Variants in ADGRB3 observed in about 807,000 individuals in gnomAD.
The protein encoded by ADGRB3 is brain-specific angiogenesis inhibitor 3.
A neutral mutation model predicts 193.4 loss-of-function variants in ADGRB3; 37 were observed. The ratio of observed to expected loss-of-function variants is 0.19; its 90% confidence interval spans 0.15 to 0.25. The LOEUF (loss-of-function observed/expected upper bound fraction) is 0.25. Ranked by LOEUF, ADGRB3 falls within the 10% of genes least tolerant of loss-of-function variation. ADGRB3 has a pLI of 1.00. For synonymous variants in ADGRB3, 690 were observed against 644.2 expected (o/e 1.07, Z -1.08); for missense variants, 1,637 against 1,852.9 (o/e 0.88, Z 2.14).
intron 12 of ADGRB3, among the ~76,000 whole-genome samples, chr6:69,017,180 AGATACTGCCT>A (rs1770117002): frequency 1.3e-5 from 2 of 152,090 alleles, no homozygotes; most frequent in South Asian, 4.1e-4. Flanking sequence ...AATATACTGT[AGATACTGCCT>A]GATTTTTAGA....
chr6:68,914,283 C>G (rs1419107450), intron 3 of ADGRB3, among the ~76,000 whole-genome samples: 1 of 151,710 alleles, frequency 6.6e-6, no homozygotes, highest in African/African-American at 2.4e-5. Flanking sequence ...ATGTTAAGGG[C>G]AGCCAGAGAG....
At chr6:69,047,802 C>A (rs1478554949) in intron 13 of ADGRB3, among the ~76,000 whole-genome samples, 1 of 152,064 alleles carries the variant, frequency 6.6e-6, no homozygotes, top group Non-Finnish European at 1.5e-5. Flanking sequence ...GGTTTAAATG[C>A]AAATTTCAAT....
At chr6:68,794,639 C>A (rs1767172142) in intron 3 of ADGRB3, among the ~76,000 whole-genome samples, 1 of 152,122 alleles carries the variant, frequency 6.6e-6, no homozygotes, top group South Asian at 2.1e-4. Flanking sequence ...ACAATTACCA[C>A]CTTTACAATC....
chr6:69,129,863 C>T (rs1405250022), intron 17 of ADGRB3, among the ~76,000 whole-genome samples: 1 of 152,076 alleles, frequency 6.6e-6, no homozygotes, highest in East Asian at 1.9e-4. Context: ...TAGTATCAGT[C>T]CTCTCCTGGA....
intron 3 of ADGRB3, among the ~76,000 whole-genome samples, chr6:68,731,016 A>G (rs1765764489): frequency 6.6e-6 from 1 of 151,642 alleles, no homozygotes; most frequent in Admixed American, 6.6e-5. Flanking sequence ...GGAGAAAACA[A>G]AAAGAAATAA....
At chr6:68,933,903 A>G (rs1215887952) in intron 4 of ADGRB3, among the ~76,000 whole-genome samples, 1 of 152,146 alleles carries the variant, frequency 6.6e-6, no homozygotes, top group East Asian at 1.9e-4. Flanking sequence ...GCTAGACTAA[A>G]GAGCTTTTAG....
intron 3 of ADGRB3, among the ~76,000 whole-genome samples, chr6:68,846,637 G>T (rs1032467603): frequency 3.3e-5 from 5 of 152,252 alleles, no homozygotes; most frequent in Admixed American, 6.5e-5. Flanking sequence ...ATGTGCTGTT[G>T]AGCCTGCAGG....
chr6:68,712,221 T>C (rs1765418900), intron 3 of ADGRB3, among the ~76,000 whole-genome samples: 1 of 151,948 alleles, frequency 6.6e-6, no homozygotes, highest in African/African-American at 2.4e-5. Context: ...TTATCTGAGT[T>C]CAGCAGAGAT....
intron 20 of ADGRB3, among the ~76,000 whole-genome samples, chr6:69,312,991 C>T (rs1380544642): frequency 6.6e-6 from 1 of 151,820 alleles, no homozygotes; most frequent in Non-Finnish European, 1.5e-5. Flanking sequence ...TTATAGTAAT[C>T]CTACATTGTA....
chr6:69,112,715 T>G (rs1477500251), intron 17 of ADGRB3, among the ~76,000 whole-genome samples: 2 of 152,136 alleles, frequency 1.3e-5, no homozygotes, highest in Non-Finnish European at 2.9e-5. Context: ...GTATGACTAT[T>G]TACATAATCT....
chr6:68,719,219 TG>T (rs1765534292), intron 3 of ADGRB3, among the ~76,000 whole-genome samples: 3 of 151,750 alleles, frequency 2.0e-5, no homozygotes, highest in Non-Finnish European at 4.4e-5. Context: ...ATGTTATTAG[TG>T]CTTCAATAGA....
At chr6:68,895,241 C>A (rs1355696749) in intron 3 of ADGRB3, among the ~76,000 whole-genome samples, 1 of 146,496 alleles carries the variant, frequency 6.8e-6, no homozygotes, top group Admixed American at 6.8e-5. Flanking sequence ...TTTTTTAGTT[C>A]AATGCTGTGA....
chr6:69,096,845 A>T (rs1336634), intron 17 of ADGRB3, among the ~76,000 whole-genome samples: 1 of 151,968 alleles, frequency 6.6e-6, no homozygotes, highest in African/African-American at 2.4e-5. Context: ...GGTTTTTCTC[A>T]TGTGTTTCAA....
chr6:68,862,138 C>A (rs894766373), intron 3 of ADGRB3, among the ~76,000 whole-genome samples: 2 of 145,154 alleles, frequency 1.4e-5, no homozygotes, highest in South Asian at 2.5e-4. Flanking sequence ...GGGACCCCCC[C>A]CCCCACCCCA....
At chr6:69,225,383 T>C (rs961335042) in intron 17 of ADGRB3, among the ~76,000 whole-genome samples, 7 of 152,182 alleles carry the variant, frequency 4.6e-5, no homozygotes, top group Non-Finnish European at 8.8e-5. Flanking sequence ...GAGATATTAA[T>C]TACTAGTTTT....
intron 3 of ADGRB3, among the ~76,000 whole-genome samples, chr6:68,677,668 C>T (rs1769129705): frequency 6.6e-6 from 1 of 151,848 alleles, no homozygotes; most frequent in African/African-American, 2.4e-5. Context: ...CAGACGCGCA[C>T]CAACACACTG....
chr6:68,639,117 G>A lies in ADGRB3; in HGVS notation c.442G>A (p.Asp148Asn). ...FPGLQKKGEE[D>N]QKSFFEFLVL... Reference sequence around the variant, plus strand: ...AGGATTACAGAAAAAAGGGGAAGAAGATCAGAAATCTTTTTTTGAGTTTTT... The same window carrying A: ...AGGATTACAGAAAAAAGGGGAAGAAAATCAGAAATCTTTTTTTGAGTTTTT... Residue 148 changes from aspartate to asparagine, a missense_variant, in exon 3 of 32, where the codon GAT (aspartate) becomes AAT (asparagine). By Grantham distance (23) the Asp-to-Asn change is conservative. Around this residue, in one of 7 missense-constraint regions of ADGRB3, gnomAD observed 365 missense variants for 409.8 expected, o/e 0.89. Transcript: ENST00000370598. The A allele has an allele frequency of 1.2e-6, 2 of 1,614,158 alleles. No individual in the cohort carries two copies. Among genetic ancestry groups the A allele is most frequent in the Non-Finnish European group, 1.7e-6 (2 of 1,180,046 alleles).
At chr6:68,744,342 A>T (rs191947804) in intron 3 of ADGRB3, among the ~76,000 whole-genome samples, 85 of 152,278 alleles carry the variant, frequency 5.6e-4, no homozygotes, top group Admixed American at 2.7e-3. Context: ...TTCCTCAAGG[A>T]TCTAGAACTA....
intron 3 of ADGRB3, among the ~76,000 whole-genome samples, chr6:68,657,530 A>C (rs1768519557): frequency 6.6e-6 from 1 of 151,436 alleles, no homozygotes; most frequent in Non-Finnish European, 1.5e-5. Flanking sequence ...CCTCCTCTGC[A>C]GGTGATAGGT....
Sources: allele counts gnomAD v4.1 joint callset (sites outside exome capture counted in the v4.1 genomes callset), GRCh38; gene constraint gnomAD v4.1.1; regional missense constraint gnomAD v4.1.1; transcripts MANE v1.5; gene names NCBI Gene and HGNC (gene_info 2026-07-23, HGNC 2026-07-21).